SH3PXD2A: variants seen among roughly 807,000 people sequenced by gnomAD.
The protein encoded by SH3PXD2A is SH3 and PX domains 2A.
Under a neutral mutation model 115.2 loss-of-function variants are expected in SH3PXD2A, and 32 were observed. The ratio of observed to expected loss-of-function variants is 0.28; its 90% CI spans 0.21 to 0.37. The LOEUF (loss-of-function observed/expected upper bound fraction) is 0.37. Among genes scored for constraint, SH3PXD2A ranks in the 10% least tolerant of loss-of-function variants. The pLI is 1.00. For synonymous variants in SH3PXD2A, 610 were observed against 629.1 expected, an observed-to-expected ratio of 0.97 and a Z score of 0.45; for missense variants, 1,328 against 1,498.7, an observed-to-expected ratio of 0.89 and a Z score of 1.88.
chr10:103,821,510 A>G (rs1471722163), intron 1 of SH3PXD2A, among the ~76,000 whole-genome samples: 2 of 151,880 alleles, frequency 1.3e-5, no homozygotes, highest in Non-Finnish European at 1.5e-5. Context: ...CCACCTTGAC[A>G]ATCTCCATCA....
intron 3 of SH3PXD2A, among the ~76,000 whole-genome samples, chr10:103,750,812 A>T (rs1412713366): frequency 6.6e-6 from 1 of 152,216 alleles, no homozygotes; most frequent in African/African-American, 2.4e-5. Context: ...TTATATTTAA[A>T]ATCTGTATAT....
At chr10:103,701,759 C>CCATCCATCCATCGTT (rs145811918) in intron 5 of SH3PXD2A, among the ~76,000 whole-genome samples, 9 of 139,588 alleles carry the variant, frequency 6.4e-5, no homozygotes, top group Non-Finnish European at 1.4e-4. Context: ...CGTCCATCAT[C>CCATCCATCCATCGTT]CATCCAGCCA....
intron 1 of SH3PXD2A, among the ~76,000 whole-genome samples, chr10:103,850,413 C>A (rs1477501998): frequency 6.6e-6 from 1 of 152,136 alleles, no homozygotes; most frequent in African/African-American, 2.4e-5. Context: ...CCGTGAATCA[C>A]CCCTCGATCA....
At chr10:103,787,764 C>T (rs1275858922) in intron 2 of SH3PXD2A, among the ~76,000 whole-genome samples, 1 of 152,196 alleles carries the variant, frequency 6.6e-6, no homozygotes, top group Non-Finnish European at 1.5e-5. Flanking sequence ...CTCATTCTTC[C>T]TGTTTGGCAA....
At chr10:103,605,326 T>C (rs997190290) in intron 14 of SH3PXD2A, among the ~76,000 whole-genome samples, 3 of 152,200 alleles carry the variant, frequency 2.0e-5, no homozygotes, top group African/African-American at 2.4e-5. Context: ...TGCAGGATCC[T>C]GGCCCTGAGA....
At chr10:103,717,535 C>T (rs1042352272) in intron 5 of SH3PXD2A, among the ~76,000 whole-genome samples, 11 of 152,136 alleles carry the variant, frequency 7.2e-5, no homozygotes, top group Admixed American at 4.6e-4. Context: ...AGAATGAGGG[C>T]GTGGCCACTG....
At chr10:103,831,610 A>G (rs921194808) in intron 1 of SH3PXD2A, among the ~76,000 whole-genome samples, 8 of 152,362 alleles carry the variant, frequency 5.3e-5, no homozygotes, top group African/African-American at 1.9e-4. Context: ...GCTTGAGCCC[A>G]GGAATTCAAG....
intron 5 of SH3PXD2A, among the ~76,000 whole-genome samples, chr10:103,702,596 C>CGTGTGTGTGTGTGTGTGTGT (rs6144056): frequency 0.034 from 4,984 of 147,514 alleles, 109 homozygotes; most frequent in South Asian, 0.046. Flanking sequence ...TGTGTGTGTG[C>CGTGTGTGTGTGTGTGTGTGT]GTGTGTGTGT....
At chr10:103,736,610 C>T (rs2134186852) in intron 3 of SH3PXD2A, among the ~76,000 whole-genome samples, 1 of 152,380 alleles carries the variant, frequency 6.6e-6, no homozygotes, top group Non-Finnish European at 1.5e-5. Context: ...GGCCAAAGCC[C>T]CCTTTTCAGA....
At position 103,617,318 on chromosome 10, in the gene SH3PXD2A, G is replaced by T; in HGVS notation, c.803-4C>A. The T allele has an allele frequency of 1.2e-6, 2 of 1,604,964 alleles. No individual in the cohort carries two copies. The highest frequency in any genetic ancestry group is 1.7e-6 in the Non-Finnish European group (2 of 1,171,710). On this transcript the variant is annotated splice_polypyrimidine_tract_variant and splice_region_variant and intron_variant, in intron 10 of 14. Coordinates refer to ENST00000369774, the MANE Select transcript of SH3PXD2A (RefSeq NM_001394015.1). ...TGCACGGTGACATACTTCTCCTCTG[G>T]GGGTGGGAGCAAGCAAGCAAGATTA...
intron 1 of SH3PXD2A, among the ~76,000 whole-genome samples, chr10:103,823,885 T>A (rs555582695): frequency 6.6e-6 from 1 of 152,242 alleles, no homozygotes; most frequent in South Asian, 2.1e-4. Context: ...GGGACAGCCA[T>A]GCCAGGCCAG....
At chr10:103,684,530 TC>T (rs1234207397) in intron 6 of SH3PXD2A, among the ~76,000 whole-genome samples, 1 of 151,942 alleles carries the variant, frequency 6.6e-6, no homozygotes, top group Admixed American at 6.6e-5. Flanking sequence ...GGCTAATTTT[TC>T]GTATTTTTAG....
chr10:103,757,493 T>G (rs1415230466), intron 3 of SH3PXD2A, among the ~76,000 whole-genome samples: 4 of 152,068 alleles, frequency 2.6e-5, no homozygotes, highest in Non-Finnish European at 4.4e-5. Context: ...TGGGGGTAGG[T>G]GTTCAGGAGC....
chr10:103,836,623 A>C (rs772542497), intron 1 of SH3PXD2A, among the ~76,000 whole-genome samples: 3 of 151,384 alleles, frequency 2.0e-5, no homozygotes, highest in Admixed American at 6.6e-5. Flanking sequence ...AGACATGTCC[A>C]TACACATGCA....
intron 8 of SH3PXD2A, among the ~76,000 whole-genome samples, chr10:103,636,891 C>T (rs747734565): frequency 2.0e-5 from 3 of 152,096 alleles, no homozygotes; most frequent in Non-Finnish European, 1.5e-5. Flanking sequence ...AGACAGACCT[C>T]GGTTAGGATC....
At chr10:103,733,340 A>C (rs919558856) in intron 4 of SH3PXD2A, among the ~76,000 whole-genome samples, 11 of 152,198 alleles carry the variant, frequency 7.2e-5, no homozygotes, top group Non-Finnish European at 1.3e-4. Flanking sequence ...AGCAGACAGC[A>C]TTTCCTTGGA....
At chr10:103,736,336 C>T (rs1295808566) in intron 3 of SH3PXD2A, among the ~76,000 whole-genome samples, 1 of 152,220 alleles carries the variant, frequency 6.6e-6, no homozygotes, top group Non-Finnish European at 1.5e-5. Flanking sequence ...TCCCTGGCCT[C>T]GCTGCACACA....
intron 1 of SH3PXD2A, among the ~76,000 whole-genome samples, chr10:103,844,199 A>G (rs1254788079): frequency 6.6e-6 from 1 of 152,212 alleles, no homozygotes; most frequent in African/African-American, 2.4e-5. Context: ...CACCTCTGGG[A>G]ATCTCACACT....
chr10:103,603,930 C>T, intron 14 of SH3PXD2A, 141 bp from the exon 15 acceptor site: 1 of 897,864 alleles, frequency 1.1e-6, no homozygotes, highest in African/African-American at 1.7e-5. Flanking sequence ...GAGTAAGTGG[C>T]CCAAAACCCA....
Sources: allele counts gnomAD v4.1 joint callset (sites outside exome capture counted in the v4.1 genomes callset), GRCh38; gene constraint gnomAD v4.1.1; transcripts MANE v1.5; gene names NCBI Gene and HGNC (gene_info 2026-07-23, HGNC 2026-07-21).